Variants in TAF2 observed in about 807,000 individuals in gnomAD.
TAF2 encodes TATA-box binding protein associated factor 2.
In TAF2, 61 loss-of-function variants were observed where a neutral mutation model predicts 138.5. The observed-to-expected ratio is 0.44, with a 90% CI of 0.36 to 0.54. TAF2 has a LOEUF of 0.54. Among genes scored for constraint, TAF2 ranks in the 20% least tolerant of loss-of-function variants. The probability of loss-of-function intolerance (pLI) is 0.00; values close to 1 mark genes in which losing one functional copy is unlikely to be tolerated. For synonymous variants in TAF2, 475 were observed against 469.9 expected, an observed-to-expected ratio of 1.01 and a Z score of -0.14; for missense variants, 1,090 against 1,427.9, an observed-to-expected ratio of 0.76 and a Z score of 3.81.
chr8:119,806,188 C>T lies in TAF2; in HGVS notation c.418+95G>A, dbSNP rs535604816. The T allele has an allele frequency of 8.5e-5, 91 of 1,074,076 alleles. No homozygotes were observed. In the East Asian group the frequency reaches 2.0e-3, roughly 24 times the overall value. 66.5% of individuals were successfully genotyped at this position (1,074,076 alleles called of 1,614,324 possible). A position where few individuals can be genotyped will look rare whatever the true frequency, so the allele number is the denominator to read the frequency against. Reference sequence around the variant, plus strand: ...AAGTGCTGGGATTACAGGCATGAGGCACAGTGCCTGCATCATTAGTTCTCA... The same window carrying T: ...AAGTGCTGGGATTACAGGCATGAGGTACAGTGCCTGCATCATTAGTTCTCA... On this transcript the variant is annotated intron_variant, in intron 4 of 25. Transcript: ENST00000378164.
At chr8:119,757,850 C>T (rs1486456993) in intron 21 of TAF2, among the ~76,000 whole-genome samples, 7 of 151,770 alleles carry the variant, frequency 4.6e-5, no homozygotes, top group African/African-American at 7.3e-5. Context: ...GAGCCGAGAT[C>T]GTGCCACTGC....
chr8:119,733,458 A>G (rs906218052), intron 25 of TAF2, among the ~76,000 whole-genome samples: 2 of 152,198 alleles, frequency 1.3e-5, no homozygotes, highest in Non-Finnish European at 2.9e-5. Context: ...GCTATACTTC[A>G]TCTCTCTGGG....
intron 6 of TAF2, among the ~76,000 whole-genome samples, chr8:119,798,200 A>T (rs1179344180): frequency 6.6e-6 from 1 of 152,206 alleles, no homozygotes; most frequent in Non-Finnish European, 1.5e-5. Flanking sequence ...ATAAATATTT[A>T]ACCCAGTGAA....
At chr8:119,750,730 T>C (rs1323846825) in intron 22 of TAF2, among the ~76,000 whole-genome samples, 2 of 152,206 alleles carry the variant, frequency 1.3e-5, no homozygotes, top group African/African-American at 4.8e-5. Context: ...ATATCAAAAC[T>C]GTTTATTTTC....
chr8:119,806,239 T>C (rs763792070), intron 4 of TAF2, 44 bp downstream of exon 4: 1 of 1,501,236 alleles, frequency 6.7e-7, no homozygotes, highest in Middle Eastern at 1.7e-4. Context: ...TGTCTGAATC[T>C]AACGTGATTT....
intron 18 of TAF2, among the ~76,000 whole-genome samples, chr8:119,775,520 T>C (rs1424149305): frequency 6.6e-6 from 1 of 151,616 alleles, no homozygotes. Flanking sequence ...CTGGCCAACA[T>C]GGTGAAACCT....
At position 119,797,666 on chromosome 8, in the gene TAF2, A is replaced by T. The variant is rs1406261832; in HGVS notation, c.973T>A (p.Phe325Ile). 5 of 1,612,972 alleles carry T rather than the reference A, an allele frequency of 3.1e-6. No individual in the cohort carries two copies. The highest frequency in any genetic ancestry group is 4.2e-6 in the Non-Finnish European group (5 of 1,179,504). The change falls in exon 7 of 26, where the codon TTT becomes ATT. Residue 325 changes from phenylalanine (F) to isoleucine (I), a missense_variant. This residue lies in a region of TAF2 where 504 missense variants were observed against 680.9 expected (regional missense o/e 0.74). Transcript: ENST00000378164. ...EVAAYASMSI[F>I]STNLLHSAMI... ...CAAATCTGAAGAGATACCAACCTAA[A>T]AATGCTCATGGAAGCATAAGCAGCC...
intron 6 of TAF2, among the ~76,000 whole-genome samples, chr8:119,800,820 G>C (rs998369342): frequency 3.3e-5 from 5 of 152,158 alleles, no homozygotes; most frequent in African/African-American, 1.2e-4. Context: ...TAAAAGAAAT[G>C]CTGTGGAGAT....
At chr8:119,737,354 C>T (rs1014386106) in intron 25 of TAF2, among the ~76,000 whole-genome samples, 9 of 151,916 alleles carry the variant, frequency 5.9e-5, no homozygotes, top group African/African-American at 1.9e-4. Flanking sequence ...TTGGGATTCA[C>T]TTCAAAATAA....
chr8:119,811,828 A>T (rs889847831), intron 3 of TAF2, among the ~76,000 whole-genome samples: 7 of 150,096 alleles, frequency 4.7e-5, no homozygotes, highest in Non-Finnish European at 1.0e-4. Context: ...AAAAAAAAAA[A>T]TAACCAAAAC....
intron 8 of TAF2, 81 bp from the exon 9 acceptor site, chr8:119,795,712 G>T: frequency 8.0e-7 from 1 of 1,245,132 alleles, no homozygotes; most frequent in Non-Finnish European, 1.2e-6. Flanking sequence ...CGGAATAAGT[G>T]TAGTGTGTAT....
Position 119,803,215 on chromosome 8 carries a change from T to C in TAF2, c.560+663A>G, listed in dbSNP as rs183258968. ...GTCTCTATAATCTTGTAATATTCTT[T>C]GTCTCTAGATGTAAATTATGTAGGC... is the stretch of plus-strand genomic sequence containing the variant. On this transcript the variant is annotated intron_variant, in intron 5 of 25. Transcript: ENST00000378164. Among the ~76,000 whole-genome samples the C allele has an allele frequency of 5.0e-3, 764 of 152,374 alleles. 7 individuals carry two copies. The highest frequency in any genetic ancestry group is 9.2e-3 in the Non-Finnish European group (623 of 68,038).
At chr8:119,810,386 C>A (rs1824970336) in intron 3 of TAF2, among the ~76,000 whole-genome samples, 1 of 152,120 alleles carries the variant, frequency 6.6e-6, no homozygotes. Flanking sequence ...TTTGTTGATC[C>A]ATTGACCAGC....
At chr8:119,803,758 G>T in intron 5 of TAF2, 120 bp downstream of exon 5, 1 of 1,021,574 alleles carries the variant, frequency 9.8e-7, no homozygotes, top group Non-Finnish European at 1.4e-6. Flanking sequence ...TTTGAAAGAA[G>T]TCTAAATTTG....
At chr8:119,753,762 C>T (rs1820512282) in intron 22 of TAF2, among the ~76,000 whole-genome samples, 1 of 152,178 alleles carries the variant, frequency 6.6e-6, no homozygotes, top group Non-Finnish European at 1.5e-5. Context: ...AAAACATCTT[C>T]TTTAGAAAAT....
intron 4 of TAF2, among the ~76,000 whole-genome samples, chr8:119,804,547 A>G (rs565077038): frequency 6.6e-6 from 1 of 152,288 alleles, no homozygotes; most frequent in East Asian, 1.9e-4. Flanking sequence ...GGTTTTCAAA[A>G]TGGGAGTTGC....
rs1280343592 is a variant in TAF2, at chr8:119,797,861, C to G, written c.793-15G>C. 1 of 1,612,272 alleles carries G rather than the reference C, an allele frequency of 6.2e-7. No homozygotes were observed. Among genetic ancestry groups the G allele is most frequent in the Non-Finnish European group, 8.5e-7 (1 of 1,178,928 alleles). On this transcript the variant is annotated splice_polypyrimidine_tract_variant and intron_variant, in intron 6 of 25. Transcript: ENST00000378164. ...AAATGAGTAACCTGAAAAGAAGAAGCAAGGAAGATCATCTAAATGAAAGAG... is the reference window on the plus strand; with the variant it reads ...AAATGAGTAACCTGAAAAGAAGAAGGAAGGAAGATCATCTAAATGAAAGAG...
intron 3 of TAF2, among the ~76,000 whole-genome samples, chr8:119,816,540 T>C (rs540005788): frequency 1.3e-5 from 2 of 152,356 alleles, no homozygotes; most frequent in East Asian, 1.9e-4. Context: ...AAAACTGCTA[T>C]ATTTAATTTC....
intron 18 of TAF2, among the ~76,000 whole-genome samples, chr8:119,770,085 A>T (rs1365925990): frequency 6.6e-6 from 1 of 151,584 alleles, no homozygotes; most frequent in Non-Finnish European, 1.5e-5. Flanking sequence ...AAATGAACAA[A>T]GTCTTCAAGA....
Sources: gnomAD v4.1 joint callset for allele counts (sites outside exome capture counted in the v4.1 genomes callset) on GRCh38, gnomAD v4.1.1 for gene constraint, gnomAD v4.1.1 regional missense constraint, MANE v1.5 for transcripts, NCBI Gene and HGNC (gene_info 2026-07-23, HGNC 2026-07-21) for gene names.